Variants in ATM observed in about 807,000 individuals in gnomAD.
ATM encodes ATM serine/threonine kinase.
Under a neutral mutation model 387.0 loss-of-function variants are expected in ATM, and 308 were observed. That is an observed-to-expected ratio of 0.80 (90% CI 0.73 to 0.87). The LOEUF is 0.87. Among genes scored for constraint, ATM ranks in the 40% least tolerant of loss-of-function variants. The pLI is 0.00. For synonymous variants in ATM, 1,156 were observed against 1,187.3 expected (o/e 0.97, Z 0.54); for missense variants, 3,312 against 3,560.9 (o/e 0.93, Z 1.78).
chr11:108,316,415 T>TGTGCCAG (rs2084655646), intron 42 of ATM, among the ~76,000 whole-genome samples: 1 of 152,150 alleles, frequency 6.6e-6, no homozygotes, highest in South Asian at 2.1e-4. Context: ...GCATATACAA[T>TGTGCCAG]GTGCCAGGTA....
At chr11:108,253,387 T>G (rs2080261187) in intron 12 of ATM, among the ~76,000 whole-genome samples, 3 of 152,162 alleles carry the variant, frequency 2.0e-5, no homozygotes, top group African/African-American at 7.2e-5. Flanking sequence ...CAAACATTCC[T>G]TATCTCCCTC....
rs1591504685 is a variant in ATM, at chr11:108,244,993, C to A, written c.868C>A (p.His290Asn). 1 of 1,611,612 alleles carries A rather than the reference C, an allele frequency of 6.2e-7. No homozygotes were observed. Among genetic ancestry groups the A allele is most frequent in the South Asian group, 1.1e-5 (1 of 91,036 alleles). Residue 290 changes from histidine (H) to asparagine (N), a missense_variant, in exon 7 of 63, where the codon CAT (histidine) becomes AAT (asparagine). Physicochemically the swap from His to Asn is moderately conservative, Grantham distance 68. Transcript: ENST00000675843. Reference protein sequence around the residue: ...IELFQLQIYIHHPKGAKTQEK... With the variant: ...IELFQLQIYINHPKGAKTQEK... ...ATTATTTCAACTGCAAATTTATATC[C>A]ATCATCCGAAAGGAGCCAAAACCCA...
At chr11:108,268,717 G>T in intron 18 of ATM, 108 bp downstream of exon 18, 1 of 1,267,312 alleles carries the variant, frequency 7.9e-7, no homozygotes, top group South Asian at 1.2e-5. Context: ...AATTGAAATT[G>T]CTTTCTTGAG....
At chr11:108,315,358 AGTGT>A (rs763815870) in intron 40 of ATM, among the ~76,000 whole-genome samples, 3 of 152,102 alleles carry the variant, frequency 2.0e-5, no homozygotes, top group African/African-American at 4.8e-5. Context: ...TGCTGTGTAC[AGTGT>A]GTGTGTGTAA....
chr11:108,367,351 AG>A lies in ATM; in HGVS notation c.*1844del, dbSNP rs1034273221. 8 of 187,368 alleles carry A rather than the reference AG, an allele frequency of 4.3e-5. No individual in the cohort carries two copies. Among genetic ancestry groups the A allele is most frequent in the African/African-American group, 1.6e-4 (7 of 42,896 alleles). 11.6% of individuals were successfully genotyped at this position (187,368 alleles called of 1,614,324 possible). On this transcript the variant is annotated 3_prime_UTR_variant, in exon 63 of 63. Transcript: ENST00000675843. ...TTGTAAGTTCTGCTATGTATTTAAA[AG>A]AATGTTTTCTACATTTTATCCAGCA...
rs879254026 is a variant in ATM at position 108,289,025 on chromosome 11, T to A, written c.4158T>A (p.Ile1386=). 1 of 1,613,546 alleles carries A rather than the reference T, an allele frequency of 6.2e-7. No individual in the cohort carries two copies. Among genetic ancestry groups the A allele is most frequent in the Non-Finnish European group, 8.5e-7 (1 of 1,179,612 alleles). ...PNPPHFPSHV[I]KATFAYISNC... ...CACCTCATTTTCCATCGCATGTGAT[T>A]AAAGCAACATTTGCCTATATCAGCA... Residue 1386 remains isoleucine, a synonymous_variant, in exon 28 of 63, where the codon ATT becomes ATA. Transcript: ENST00000675843.
At chr11:108,250,551 C>T in intron 9 of ATM, 150 bp from the exon 10 acceptor site, 1 of 884,450 alleles carries the variant, frequency 1.1e-6, no homozygotes, top group Non-Finnish European at 1.7e-6. Context: ...GACATAGTAA[C>T]TATTAACAGC....
At chr11:108,243,810 C>G (rs1447167414) in intron 5 of ATM, 143 bp from the exon 6 acceptor site, 24 of 772,788 alleles carry the variant, frequency 3.1e-5, no homozygotes, top group South Asian at 2.0e-4. Flanking sequence ...TGATGGAGTA[C>G]TTTTACTATG....
intron 33 of ATM, among the ~76,000 whole-genome samples, chr11:108,299,315 C>CTTTTTTTT (rs34021496): frequency 7.0e-6 from 1 of 143,334 alleles, no homozygotes; most frequent in Non-Finnish European, 1.5e-5. Context: ...TTCTCTCTCT[C>CTTTTTTTT]TTTTTTTTTT....
chr11:108,256,669 C>T (rs181049353), intron 14 of ATM, among the ~76,000 whole-genome samples: 4 of 152,206 alleles, frequency 2.6e-5, no homozygotes, highest in East Asian at 3.9e-4. Flanking sequence ...CCTCCCCTAG[C>T]CCCCGACCCC....
intron 4 of ATM, 55 bp downstream of exon 4, chr11:108,229,378 G>GTTTTT (rs11390378): frequency 2.5e-5 from 32 of 1,270,230 alleles, no homozygotes; most frequent in East Asian, 2.7e-5. Context: ...TGTCGCGTGA[G>GTTTTT]TTTTTTTTTT....
chr11:108,301,612 G>T, intron 34 of ATM, 36 bp from the exon 35 acceptor site: 1 of 1,612,036 alleles, frequency 6.2e-7, no homozygotes, highest in Non-Finnish European at 8.5e-7. Flanking sequence ...ATTAATAACT[G>T]GTGTACTTGA....
At chr11:108,354,070 A>ACAC (rs2089570249) in intron 60 of ATM, among the ~76,000 whole-genome samples, 190 bp downstream of exon 60, 4,765 of 114,892 alleles carry the variant, frequency 0.041, 122 homozygotes, top group Non-Finnish European at 0.049. Context: ...CACACACACA[A>ACAC]ACACACACAC....
intron 17 of ATM, among the ~76,000 whole-genome samples, chr11:108,268,003 A>AT (rs2081357379): frequency 6.6e-6 from 1 of 152,210 alleles, no homozygotes; most frequent in Admixed American, 6.5e-5. Flanking sequence ...CAACATTCAC[A>AT]TGTTATGAAT....
chr11:108,248,519 A>C (rs1180658889), intron 8 of ATM, among the ~76,000 whole-genome samples: 1 of 152,112 alleles, frequency 6.6e-6, no homozygotes. Context: ...CTCTTGCTTT[A>C]TGAGTTCCCT....
intron 37 of ATM, among the ~76,000 whole-genome samples, chr11:108,305,192 A>G (rs766269977): frequency 2.6e-5 from 4 of 152,226 alleles, no homozygotes; most frequent in Non-Finnish European, 4.4e-5. Flanking sequence ...CATTCTAGCA[A>G]TGGAAAAAAC....
chr11:108,353,625 A>C, intron 59 of ATM, 141 bp from the exon 60 acceptor site: 1 of 686,498 alleles, frequency 1.5e-6, no homozygotes, highest in Non-Finnish European at 2.6e-6. Flanking sequence ...CAGCCAGAGC[A>C]GAAGTAAACT....
At chr11:108,363,455 C>G (rs879476209) in intron 61 of ATM, among the ~76,000 whole-genome samples, 4 of 152,216 alleles carry the variant, frequency 2.6e-5, no homozygotes, top group Admixed American at 2.0e-4. Context: ...ATCTCTCCCT[C>G]TAACTCAGTG....
chr11:108,238,391 A>G (rs11212564), intron 5 of ATM, among the ~76,000 whole-genome samples: 8,739 of 152,166 alleles, frequency 0.057, 809 homozygotes, highest in African/African-American at 0.2. Flanking sequence ...GGCTCAAGTG[A>G]TACCCTTCCC....
Sources: gnomAD v4.1 joint callset for allele counts (sites outside exome capture counted in the v4.1 genomes callset) on GRCh38, gnomAD v4.1.1 for gene constraint, MANE v1.5 for transcripts, NCBI Gene and HGNC (gene_info 2026-07-23, HGNC 2026-07-21) for gene names.